Variants in BOC observed in about 807,000 individuals in gnomAD.
BOC encodes the protein BOC cell adhesion associated, oncogene regulated.
BOC carries 76 observed loss-of-function variants against 112.0 expected under a neutral mutation model. That is an observed-to-expected ratio of 0.68 (90% CI 0.56 to 0.82). BOC has a LOEUF of 0.82. BOC is among the 40% of genes least tolerant of loss of function. BOC has a pLI of 0.00. For missense variants in BOC, 1,309 were observed against 1,511.7 expected, an observed-to-expected ratio of 0.87 and a Z score of 2.22; for synonymous variants, 580 against 599.8, an observed-to-expected ratio of 0.97 and a Z score of 0.48.
intron 4 of BOC, among the ~76,000 whole-genome samples, chr3:113,264,313 TAAG>T (rs1484809362): frequency 3.9e-5 from 6 of 152,202 alleles, no homozygotes; most frequent in African/African-American, 1.4e-4. Flanking sequence ...GGAGGGAAGG[TAAG>T]AGGATTAAAG....
In BOC at chr3:113,262,013, G is replaced by C. The variant is rs147836705; in HGVS notation, c.377-6286G>C. 2.3e-3 allele frequency: 352 copies of C among 151,866 alleles called. 3 individuals carry two copies. Among genetic ancestry groups the C allele is most frequent in the African/African-American group, 8.2e-3 (339 of 41,390 alleles). The allele number at this position is 151,866 out of a possible 1,614,324, so 9.4% of individuals were successfully genotyped here. A position where few individuals can be genotyped will look rare whatever the true frequency, so the allele number is the denominator to read the frequency against. On this transcript the variant is annotated intron_variant, in intron 4 of 19. Coordinates refer to ENST00000682979, the MANE Select transcript of BOC (RefSeq NM_001378074.1). ...CTTCTTCTTCCTCCCCATGGAAACT[G>C]TTTTCTTTAAATAAAAAAGAGCATG...
At chr3:113,218,131 T>C (rs1388709377) in intron 2 of BOC, among the ~76,000 whole-genome samples, 3 of 152,192 alleles carry the variant, frequency 2.0e-5, no homozygotes, top group Non-Finnish European at 4.4e-5. Flanking sequence ...GCACACAGGA[T>C]GGGAGCTACA....
chr3:113,228,102 T>G (rs1941967997), intron 2 of BOC, among the ~76,000 whole-genome samples: 2 of 152,206 alleles, frequency 1.3e-5, no homozygotes, highest in Admixed American at 1.3e-4. Context: ...TACCATATGT[T>G]GAGCTTGAAT....
In BOC at chr3:113,278,298, G is replaced by A. The variant is rs1455373977; in HGVS notation, c.1705+41G>A. 1.9e-6 allele frequency: 3 copies of A among 1,599,076 alleles called. No homozygotes were observed. Among genetic ancestry groups the A allele is most frequent in the Non-Finnish European group, 2.6e-6 (3 of 1,168,384 alleles). ...TGCCCCTTGCTTAGGGTTTCCGTGG[G>A]TCTAAGCAAGTTCCACTGGCCCAGG... is the stretch of plus-strand genomic sequence containing the variant. On this transcript the variant is annotated intron_variant, in intron 10 of 19. Coordinates refer to ENST00000682979, the MANE Select transcript of BOC (RefSeq NM_001378074.1). This position sits in a 1 kb window ranked among gnomAD's most constrained non-coding sequence, Gnocchi z 4.2.
intron 4 of BOC, among the ~76,000 whole-genome samples, chr3:113,263,577 C>T: frequency 6.6e-6 from 1 of 152,148 alleles, no homozygotes. Flanking sequence ...TGGATTACAC[C>T]TGGGGCATTT....
At chr3:113,225,348 C>T (rs983170102) in intron 2 of BOC, among the ~76,000 whole-genome samples, 1 of 152,138 alleles carries the variant, frequency 6.6e-6, no homozygotes, top group Non-Finnish European at 1.5e-5. Context: ...AGTACTTTCT[C>T]ACGCTGAAAG....
chr3:113,267,904 G>A (rs1026879807), intron 4 of BOC, among the ~76,000 whole-genome samples: 2 of 152,124 alleles, frequency 1.3e-5, no homozygotes, highest in Non-Finnish European at 2.9e-5. Flanking sequence ...CTCTTGTATC[G>A]TTCCCTTCCA....
At chr3:113,281,908 T>C (rs1416422290) in intron 15 of BOC, among the ~76,000 whole-genome samples, 1 of 152,202 alleles carries the variant, frequency 6.6e-6, no homozygotes, top group Non-Finnish European at 1.5e-5. Flanking sequence ...TCTTCCATCA[T>C]GCACACCAGA....
chr3:113,234,951 G>A (rs1432876013), intron 2 of BOC, among the ~76,000 whole-genome samples: 1 of 152,134 alleles, frequency 6.6e-6, no homozygotes, highest in Non-Finnish European at 1.5e-5. Flanking sequence ...TTTCCCATAG[G>A]CACTTTCAGC....
At chr3:113,260,191 G>A (rs2107526187) in intron 4 of BOC, among the ~76,000 whole-genome samples, 1 of 152,258 alleles carries the variant, frequency 6.6e-6, no homozygotes, top group Non-Finnish European at 1.5e-5. Context: ...CATGAAAGAG[G>A]AAGACTCCCA....
rs764482115 is a variant in BOC at position 113,279,901 on chromosome 3, G to A, written c.2101G>A (p.Val701Met). Reference protein sequence around the residue: ...SEPSAPSRPYVVSGYSGRVYE... With the variant: ...SEPSAPSRPYMVSGYSGRVYE... Reference sequence around the variant, plus strand: ...GCCCAGCGCCCCCTCTCGGCCCTACGTGGTGTCGGGCTACAGCGGTCGCGT... The same window carrying A: ...GCCCAGCGCCCCCTCTCGGCCCTACATGGTGTCGGGCTACAGCGGTCGCGT... The change falls in exon 13 of 20, where the codon GTG (valine) becomes ATG (methionine). Residue 701 changes from valine to methionine, a missense_variant. By Grantham distance (21) the Val-to-Met change is conservative. Transcript: ENST00000682979. 1.4e-5 allele frequency: 23 copies of A among 1,614,010 alleles called. No homozygotes were observed. Among genetic ancestry groups the A allele is most frequent in the Middle Eastern group, 3.3e-4 (2 of 6,062 alleles).
At chr3:113,268,808 A>G (rs1947800597) in intron 5 of BOC, among the ~76,000 whole-genome samples, 1 of 152,008 alleles carries the variant, frequency 6.6e-6, no homozygotes, top group South Asian at 2.1e-4. Context: ...CAGTCTTGCT[A>G]TGTTGCCCAG....
At chr3:113,252,442 G>C (rs1420269625) in intron 4 of BOC, among the ~76,000 whole-genome samples, 1 of 152,106 alleles carries the variant, frequency 6.6e-6, no homozygotes. Context: ...CTAAGGCAGC[G>C]AACTTTTGAA....
rs547941693 is a variant in BOC, at chr3:113,217,350, T to TACAA, written c.-82+1098_-82+1101dup. Among the ~76,000 whole-genome samples, 271 of 152,208 alleles carry TACAA rather than the reference T, an allele frequency of 1.8e-3. 2 individuals carry two copies. Among genetic ancestry groups the TACAA allele is most frequent in the African/African-American group, 5.1e-3 (210 of 41,524 alleles). On this transcript the variant is annotated intron_variant, in intron 2 of 19. Transcript: ENST00000682979. ...GGGCAACATGGCAAAACTCTGTCTCTACAAACAAACAAACAAACAAACAAA... is the reference window on the plus strand; with the variant it reads ...GGGCAACATGGCAAAACTCTGTCTCTACAAACAAACAAACAAACAAACAAACAAA...
intron 2 of BOC, among the ~76,000 whole-genome samples, chr3:113,239,890 G>A (rs1944064629): frequency 6.6e-6 from 1 of 152,114 alleles, no homozygotes; most frequent in Non-Finnish European, 1.5e-5. Context: ...ACAGAAAAAA[G>A]AAATTGCAGG....
intron 12 of BOC, 81 bp from the exon 13 acceptor site, chr3:113,279,743 A>G (rs1483349013): frequency 2.1e-6 from 3 of 1,433,342 alleles, no homozygotes; most frequent in Non-Finnish European, 2.8e-6. Flanking sequence ...AGACCCCTCC[A>G]GGTCCTGGGC....
At chr3:113,275,159 T>C (rs912872662) in intron 9 of BOC, among the ~76,000 whole-genome samples, 9 of 152,214 alleles carry the variant, frequency 5.9e-5, no homozygotes, top group Admixed American at 5.9e-4. Flanking sequence ...TGTGAACAAG[T>C]GTTTTCTCTG....
At chr3:113,250,503 G>T in intron 3 of BOC, 52 bp from the exon 4 acceptor site, 1 of 1,546,538 alleles carries the variant, frequency 6.5e-7, no homozygotes, top group South Asian at 1.3e-5. Context: ...AAAACGTGAT[G>T]TTGTTTTCTT....
At chr3:113,226,491 G>T (rs1941680028) in intron 2 of BOC, among the ~76,000 whole-genome samples, 1 of 152,248 alleles carries the variant, frequency 6.6e-6, no homozygotes, top group Non-Finnish European at 1.5e-5. Flanking sequence ...TTGGAATGGG[G>T]AGACCCCTTA....
Sources: gnomAD v4.1 joint callset for allele counts (sites outside exome capture counted in the v4.1 genomes callset) on GRCh38, gnomAD v4.1.1 for gene constraint, Gnocchi (gnomAD v3.1) non-coding constraint, MANE v1.5 for transcripts, NCBI Gene and HGNC (gene_info 2026-07-23, HGNC 2026-07-21) for gene names.